Variants in MARK4 observed in about 807,000 individuals in gnomAD.
The protein encoded by MARK4 is microtubule affinity regulating kinase 4.
A neutral mutation model predicts 81.5 loss-of-function variants in MARK4; 19 were observed. The ratio of observed to expected loss-of-function variants is 0.23; its 90% CI spans 0.16 to 0.34. The LOEUF is 0.34. Among genes scored for constraint, MARK4 ranks in the 10% least tolerant of loss-of-function variants. The probability of loss-of-function intolerance (pLI) is 1.00; values close to 1 mark genes in which losing one functional copy is unlikely to be tolerated. For synonymous variants in MARK4, 436 were observed against 439.0 expected (o/e 0.99, Z 0.08); for missense variants, 772 against 1,058.8 (o/e 0.73, Z 3.76).
At chr19:45,265,827 G>A (rs1456875469) in intron 6 of MARK4, among the ~76,000 whole-genome samples, 2 of 151,258 alleles carry the variant, frequency 1.3e-5, no homozygotes, top group Non-Finnish European at 3.0e-5. Flanking sequence ...GAGGGTGCCG[G>A]GCATGTCGGC....
chr19:45,252,981 C>T lies in MARK4; in HGVS notation c.51+1342C>T, dbSNP rs1316479726. ...CCCCCATGGCTTTGTCACTTTCCAC[C>T]ATTCCCAGGCGCCCCCTGCCCCTAC... On this transcript the variant is annotated intron_variant, in intron 1 of 16. Transcript: ENST00000262891. Among the ~76,000 whole-genome samples, 4 of 151,852 alleles carry T rather than the reference C, an allele frequency of 2.6e-5. No homozygotes were observed. In the East Asian group the frequency reaches 7.8e-4, roughly 29 times the overall value.
At chr19:45,265,804 G>A (rs1016444375) in intron 6 of MARK4, among the ~76,000 whole-genome samples, 2 of 150,932 alleles carry the variant, frequency 1.3e-5, no homozygotes, top group African/African-American at 2.4e-5. Flanking sequence ...GGGGTAAGCA[G>A]ATGTGCAGGT....
At position 45,280,717 on chromosome 19, in the gene MARK4, G is replaced by T. The variant is rs1336065779; in HGVS notation, c.1259G>T (p.Arg420Leu). 1 of 1,614,092 alleles carries T rather than the reference G, an allele frequency of 6.2e-7. No individual in the cohort carries two copies. The highest frequency in any genetic ancestry group is 8.5e-7 in the Non-Finnish European group (1 of 1,179,990). Residue 420 changes from arginine (R) to leucine (L), a missense_variant, in exon 12 of 17, where the codon CGC becomes CTC. Around this residue, in one of 3 missense-constraint regions of MARK4, gnomAD observed 548 missense variants for 624.3 expected, o/e 0.88. Transcript: ENST00000262891. ...TCCTCTTCCACCTACCACCGCCAGC[G>T]CAGGCATAGCGATTTCTGTGAGTAT... ...RSSSSTYHRQ[R>L]RHSDFCGPSP...
intron 8 of MARK4, 116 bp from the exon 9 acceptor site, chr19:45,277,807 G>A (rs1264401622): frequency 2.4e-6 from 3 of 1,242,694 alleles, no homozygotes; most frequent in Non-Finnish European, 3.2e-6. Context: ...TTCTATCAAA[G>A]GGGTTGGGAC....
At chr19:45,287,947 A>G in intron 13 of MARK4, 2 of 473,922 alleles carry the variant, frequency 4.2e-6, no homozygotes, top group Middle Eastern at 3.2e-4. Context: ...GCTTTTAAAA[A>G]TGTGGGAAAG....
At chr19:45,294,942 C>A (rs931969440) in intron 14 of MARK4, among the ~76,000 whole-genome samples, 1 of 152,112 alleles carries the variant, frequency 6.6e-6, no homozygotes, top group African/African-American at 2.4e-5. Context: ...CACTGCCCCC[C>A]ACCAGGGCTG....
In MARK4 at chr19:45,271,564, G is replaced by A. The variant is rs757859252; in HGVS notation, c.642G>A (p.Thr214=). Reference sequence around the variant, plus strand: ...TCACGCTGGGATCGAAGCTGGACACGTTCTGCGGGAGCCCCCCATATGCCG... The same window carrying A: ...TCACGCTGGGATCGAAGCTGGACACATTCTGCGGGAGCCCCCCATATGCCG... ...NEFTLGSKLD[T]FCGSPPYAAP... The change falls in exon 8 of 17, where the codon ACG becomes ACA. Residue 214 remains threonine, a synonymous_variant. Transcript: ENST00000262891. The surrounding 1 kb of genome is among the most constrained non-coding windows in gnomAD (Gnocchi z 4.1). The A allele has an allele frequency of 1.9e-5, 30 of 1,614,140 alleles. No homozygotes were observed. Among genetic ancestry groups the A allele is most frequent in the Non-Finnish European group, 2.4e-5 (28 of 1,180,058 alleles).
At chr19:45,264,489 T>C (rs1678506557) in intron 4 of MARK4, among the ~76,000 whole-genome samples, 195 bp from the exon 5 acceptor site, 1 of 132,182 alleles carries the variant, frequency 7.6e-6, no homozygotes, top group East Asian at 3.2e-4. Flanking sequence ...AAACTCCATC[T>C]CAAAAAAAAA....
intron 16 of MARK4, among the ~76,000 whole-genome samples, chr19:45,301,584 G>A (rs1382771232): frequency 1.2e-4 from 12 of 102,802 alleles, no homozygotes; most frequent in African/African-American, 3.7e-4. Flanking sequence ...AAAAAAGCCG[G>A]GCGCAGTGGC....
In MARK4 at chr19:45,251,538, GACCCC is replaced by G; in HGVS notation, c.-50_-46del. 1 of 502,612 alleles carries G rather than the reference GACCCC, an allele frequency of 2.0e-6. No individual in the cohort carries two copies. Among genetic ancestry groups the G allele is most frequent in the Non-Finnish European group, 3.4e-6 (1 of 293,562 alleles). 31.1% of individuals were successfully genotyped at this position (502,612 alleles called of 1,614,324 possible). A position where few individuals can be genotyped will look rare whatever the true frequency, so the allele number is the denominator to read the frequency against. ...GGGAGGGGAAGAGAGGGGACCCTGG[GACCCC>G]CGCCCCCCCCACCCGGCCGCCCCTG... On this transcript the variant is annotated 5_prime_UTR_variant, in exon 1 of 17. Transcript: ENST00000262891.
chr19:45,257,400 T>G (rs1970320978), intron 1 of MARK4, among the ~76,000 whole-genome samples: 1 of 150,714 alleles, frequency 6.6e-6, no homozygotes, highest in African/African-American at 2.4e-5. Context: ...TTTTTTTTTT[T>G]TGAGATGGAG....
chr19:45,295,809 C>T (rs866808937), intron 14 of MARK4, among the ~76,000 whole-genome samples: 4 of 152,156 alleles, frequency 2.6e-5, no homozygotes, highest in African/African-American at 9.7e-5. Context: ...TGTCCACTTC[C>T]AGGCCCCATT....
In MARK4 at chr19:45,254,754, A is replaced by G. The variant is rs184454371; in HGVS notation, c.51+3115A>G. Reference sequence around the variant, plus strand: ...GGAGGTTGTCTTTCTGCCCCTGTGAATGGACTGTGTGACCTTCACATGGCA... The same window carrying G: ...GGAGGTTGTCTTTCTGCCCCTGTGAGTGGACTGTGTGACCTTCACATGGCA... On this transcript the variant is annotated intron_variant, in intron 1 of 16. Coordinates refer to ENST00000262891, the MANE Select transcript of MARK4 (RefSeq NM_001199867.2). Among the ~76,000 whole-genome samples the G allele has an allele frequency of 6.6e-5, 10 of 152,280 alleles. No homozygotes were observed. The East Asian group carries it at 1.9e-3, about 29-fold the overall frequency.
intron 14 of MARK4, among the ~76,000 whole-genome samples, chr19:45,297,150 G>A (rs1970898094): frequency 6.6e-6 from 1 of 152,186 alleles, no homozygotes; most frequent in African/African-American, 2.4e-5. Context: ...GGAGATGGAG[G>A]TCTGGCCCCT....
rs1417455951 is a variant in MARK4 at position 45,304,046 on chromosome 19, C to CA, written c.*1341dup. ...TAATAATCCATCTACGCTGCTTAAGCAAAAAGGTATTTGTTGGTTTATGTT... is the reference window on the plus strand; with the variant it reads ...TAATAATCCATCTACGCTGCTTAAGCAAAAAAGGTATTTGTTGGTTTATGTT... On this transcript the variant is annotated 3_prime_UTR_variant, in exon 17 of 17. Transcript: ENST00000262891. 1.3e-5 allele frequency: 2 copies of CA among 152,156 alleles called. No homozygotes were observed. Among genetic ancestry groups the CA allele is most frequent in the Admixed American group, 6.5e-5 (1 of 15,286 alleles). The allele number at this position is 152,156 out of a possible 1,614,324, so 9.4% of individuals were successfully genotyped here.
At chr19:45,256,705 T>C (rs1970311695) in intron 1 of MARK4, among the ~76,000 whole-genome samples, 1 of 152,066 alleles carries the variant, frequency 6.6e-6, no homozygotes, top group Admixed American at 6.6e-5. Flanking sequence ...TATTGTAGAG[T>C]TGATCCAGGC....
intron 12 of MARK4, among the ~76,000 whole-genome samples, chr19:45,283,604 A>G (rs1262076275): frequency 3.9e-5 from 6 of 152,178 alleles, no homozygotes. Context: ...TGATATGGGT[A>G]TCAGCACTTC....
intron 14 of MARK4, among the ~76,000 whole-genome samples, chr19:45,295,613 A>T (rs1442970854): frequency 6.6e-6 from 1 of 152,156 alleles, no homozygotes; most frequent in Non-Finnish European, 1.5e-5. Flanking sequence ...TGTCTCTACT[A>T]AAAATACAAA....
chr19:45,299,064 T>TA (rs59720430), intron 15 of MARK4, among the ~76,000 whole-genome samples: 2,066 of 84,934 alleles, frequency 0.024, 44 homozygotes, highest in East Asian at 0.048. Context: ...AACCTGTCTC[T>TA]AAAAAAAAAA....
Sources: gnomAD v4.1 joint callset for allele counts (sites outside exome capture counted in the v4.1 genomes callset) on GRCh38, gnomAD v4.1.1 for gene constraint, gnomAD v4.1.1 regional missense constraint, Gnocchi (gnomAD v3.1) non-coding constraint, MANE v1.5 for transcripts, NCBI Gene and HGNC (gene_info 2026-07-23, HGNC 2026-07-21) for gene names.